The following TG variants were observed in gnomAD, a reference collection of about 807,000 sequenced individuals.
The protein encoded by TG is thyroid hormones.
A neutral mutation model predicts 324.7 loss-of-function variants in TG; 270 were observed. That is an observed-to-expected ratio of 0.83 (90% CI 0.75 to 0.92). The LOEUF is 0.92. Among genes scored for constraint, TG ranks in the 40% least tolerant of loss-of-function variants. The pLI, the probability that TG is intolerant of heterozygous loss-of-function variation, is 0.00. For missense variants in TG, 3,591 were observed against 3,456.4 expected (o/e 1.04, Z -0.98); for synonymous variants, 1,401 against 1,327.0 (o/e 1.06, Z -1.21).
intron 11 of TG, among the ~76,000 whole-genome samples, chr8:132,897,036 A>G (rs1243434830): frequency 6.6e-6 from 1 of 152,172 alleles, no homozygotes; most frequent in African/African-American, 2.4e-5. Context: ...GCTGCTGTGA[A>G]GATCTGATAT....
At chr8:133,054,348 GA>G (rs1840958733) in intron 41 of TG, among the ~76,000 whole-genome samples, 1 of 152,204 alleles carries the variant, frequency 6.6e-6, no homozygotes, top group Non-Finnish European at 1.5e-5. Flanking sequence ...GAATTTTCGG[GA>G]AAGAGAATGG....
chr8:133,060,494 CA>C, intron 41 of TG: 1 of 842,346 alleles, frequency 1.2e-6, no homozygotes, highest in Non-Finnish European at 1.7e-6. Context: ...GCAGCCACAG[CA>C]GGGTTTGTGT....
At chr8:132,988,673 T>C (rs1831923602) in intron 35 of TG, 1 of 979,810 alleles carries the variant, frequency 1.0e-6, no homozygotes, top group Non-Finnish European at 1.2e-6. Flanking sequence ...ATATATATTT[T>C]CTTTGTCAGA....
chr8:133,019,355 A>C (rs1587777322), intron 38 of TG, among the ~76,000 whole-genome samples: 1 of 152,222 alleles, frequency 6.6e-6, no homozygotes, highest in African/African-American at 2.4e-5. Flanking sequence ...GACTTCTCTA[A>C]GTTGGTGCAT....
At chr8:133,048,484 G>C (rs1048771698) in intron 41 of TG, 1 of 155,712 alleles carries the variant, frequency 6.4e-6, no homozygotes. Context: ...GACTTCCAAA[G>C]TGCTGGGATT....
intron 11 of TG, among the ~76,000 whole-genome samples, chr8:132,895,140 C>T (rs907245753): frequency 1.3e-5 from 2 of 152,250 alleles, no homozygotes; most frequent in East Asian, 3.8e-4. Flanking sequence ...CTCACTGACC[C>T]CACATCAACT....
At chr8:133,021,929 C>T in intron 39 of TG, 62 bp from the exon 40 acceptor site, 1 of 1,606,426 alleles carries the variant, frequency 6.2e-7, no homozygotes, top group East Asian at 2.2e-5. Context: ...AAGAATCAGG[C>T]TCCAAGCATG....
rs546217564 is a variant in TG, at chr8:132,924,563, A to G, written c.4699+1055A>G. The stretch of plus-strand genomic sequence containing the variant: ...TATTGAGCTCTACCCTGTACCACGT[A>G]CAGTTCCTCAGTGAGATACTGGATG... On this transcript the variant is annotated intron_variant, in intron 22 of 47. Transcript: ENST00000220616. 3.4e-4 allele frequency among the ~76,000 whole-genome samples: 52 copies of G among 152,354 alleles called. No individual in the cohort carries two copies. The South Asian group carries it at 0.01, about 30-fold the overall frequency.
rs773948714 is a variant in TG, at chr8:132,971,818, C to T, written c.6000C>T (p.Cys2000=). ...SNGFFECERR[C]DADPCCTGFG... is the part of the protein sequence containing the mutation. ...GGTTCTTTGAATGTGAACGACGGTG[C>T]GATGCGGACCCATGCTGCACTGGCT... Residue 2000 remains cysteine, a synonymous_variant, in exon 33 of 48, where the codon TGC becomes TGT. Transcript: ENST00000220616. 33 of 1,613,312 alleles carry T rather than the reference C, an allele frequency of 2.0e-5. No homozygotes were observed. Among genetic ancestry groups the T allele is most frequent in the Non-Finnish European group, 2.6e-5 (31 of 1,179,414 alleles).
intron 41 of TG, among the ~76,000 whole-genome samples, chr8:133,072,487 T>A (rs995390476): frequency 1.3e-5 from 2 of 152,226 alleles, no homozygotes; most frequent in Admixed American, 1.3e-4. Context: ...GATGGACAGA[T>A]AAATGTATGA....
chr8:133,006,303 T>C (rs1834010035), intron 35 of TG, among the ~76,000 whole-genome samples: 1 of 152,186 alleles, frequency 6.6e-6, no homozygotes, highest in African/African-American at 2.4e-5. Context: ...GAGACCACAG[T>C]CATTTTCAAA....
At chr8:133,057,000 T>TGG (rs1841551497) in intron 41 of TG, among the ~76,000 whole-genome samples, 1 of 152,190 alleles carries the variant, frequency 6.6e-6, no homozygotes, top group Non-Finnish European at 1.5e-5. Flanking sequence ...CAGGGGATTC[T>TGG]GATGCAGGTG....
intron 34 of TG, among the ~76,000 whole-genome samples, chr8:132,977,674 T>C (rs975523642): frequency 1.3e-5 from 2 of 152,004 alleles, no homozygotes; most frequent in African/African-American, 4.8e-5. Flanking sequence ...AACCATCAGA[T>C]CTTGTGAGAC....
rs1226086471 is a variant in TG at position 133,059,999 on chromosome 8, T to C, written c.7239+29976T>C. 4 of 1,190,924 alleles carry C rather than the reference T, an allele frequency of 3.4e-6. No individual in the cohort carries two copies. In the Admixed American group the frequency reaches 7.9e-5, roughly 23 times the overall value. 73.8% of individuals were successfully genotyped at this position (1,190,924 alleles called of 1,614,324 possible). A position where few individuals can be genotyped will look rare whatever the true frequency, so the allele number is the denominator to read the frequency against. On this transcript the variant is annotated intron_variant, in intron 41 of 47. Transcript: ENST00000220616. ...GATATAATGAGCCCTTCGGTACCCA[T>C]TGCCCCATTTAAGTAGTTACCGGCA...
intron 43 of TG, 145 bp from the exon 44 acceptor site, chr8:133,113,277 A>G: frequency 1.1e-6 from 1 of 890,666 alleles, no homozygotes. Context: ...TGGGATTCGA[A>G]CTCAGACAGT....
chr8:132,931,234 GC>G (rs769285665), intron 23 of TG, among the ~76,000 whole-genome samples: 18 of 152,282 alleles, frequency 1.2e-4, no homozygotes, highest in Middle Eastern at 3.4e-3. Context: ...CAGTCCTATT[GC>G]CTTAGGGCCC....
chr8:132,898,980 G>T (rs1817540600), intron 14 of TG, 70 bp downstream of exon 14: 1 of 1,292,656 alleles, frequency 7.7e-7, no homozygotes, highest in Non-Finnish European at 1.1e-6. Flanking sequence ...TTTTCTTTTT[G>T]TTCAATACGT....
chr8:132,951,042 T>C (rs1413383308), intron 27 of TG, among the ~76,000 whole-genome samples: 6 of 152,224 alleles, frequency 3.9e-5, no homozygotes, highest in Non-Finnish European at 8.8e-5. Flanking sequence ...CCCAGCATTC[T>C]GGCTCTCTCA....
At chr8:133,004,712 G>A (rs1241110992) in intron 35 of TG, among the ~76,000 whole-genome samples, 2 of 152,194 alleles carry the variant, frequency 1.3e-5, no homozygotes, top group Admixed American at 6.5e-5. Flanking sequence ...AATGCAGCTG[G>A]AGTGACTGAC....
Sources: gnomAD v4.1 joint callset for allele counts (sites outside exome capture counted in the v4.1 genomes callset) on GRCh38, gnomAD v4.1.1 for gene constraint, MANE v1.5 for transcripts, NCBI Gene and HGNC (gene_info 2026-07-23, HGNC 2026-07-21) for gene names.